The following SPSB1 variants were observed in gnomAD, a reference collection of about 807,000 sequenced individuals.
The protein encoded by SPSB1 is splA/ryanodine receptor domain and SOCS box containing 1.
Under a neutral mutation model 21.2 loss-of-function variants are expected in SPSB1, and 8 were observed. That is an observed-to-expected ratio of 0.38 (90% CI 0.22 to 0.68). The LOEUF is 0.68. Among genes scored for constraint, SPSB1 ranks in the 30% least tolerant of loss-of-function variants. The probability of loss-of-function intolerance (pLI) is 0.53; values close to 1 mark genes in which losing one functional copy is unlikely to be tolerated. For synonymous variants in SPSB1, 169 were observed against 161.7 expected (o/e 1.05, Z -0.34); for missense variants, 242 against 377.8 (o/e 0.64, Z 2.98).
intron 1 of SPSB1, among the ~76,000 whole-genome samples, chr1:9,316,581 C>T (rs537925064): frequency 1.3e-5 from 2 of 152,184 alleles, no homozygotes; most frequent in East Asian, 1.9e-4. Context: ...GAAGCGGGTT[C>T]AGGGGCTGCC....
chr1:9,346,115 A>C lies in SPSB1; in HGVS notation c.-149-9628A>C, dbSNP rs1021637444. ...CGGCTGAGCCAGGCTGCAGAGATTG[A>C]TTCTGATAAAATAGCAGATTGCTCG... is the stretch of plus-strand genomic sequence containing the variant. On this transcript the variant is annotated intron_variant, in intron 1 of 2. Coordinates refer to ENST00000328089, the MANE Select transcript of SPSB1 (RefSeq NM_025106.4). This position sits in a 1 kb window ranked among gnomAD's most constrained non-coding sequence, Gnocchi z 4.4. 6.6e-6 allele frequency among the ~76,000 whole-genome samples: 1 copy of C among 152,232 alleles called. No homozygotes were observed. Among genetic ancestry groups the C allele is most frequent in the African/African-American group, 2.4e-5 (1 of 41,472 alleles).
chr1:9,339,757 CA>C (rs1569626071), intron 1 of SPSB1, among the ~76,000 whole-genome samples: 1 of 152,152 alleles, frequency 6.6e-6, no homozygotes, highest in Admixed American at 6.5e-5. Context: ...ATGGCTTCTA[CA>C]GGGTCTGGGC....
intron 2 of SPSB1, among the ~76,000 whole-genome samples, chr1:9,361,494 G>T (rs532682019): frequency 2.6e-5 from 4 of 152,294 alleles, no homozygotes; most frequent in South Asian, 4.1e-4. Flanking sequence ...CTTCCCGGGG[G>T]TCTCCCAGCC....
chr1:9,339,090 C>G (rs1640049651), intron 1 of SPSB1, among the ~76,000 whole-genome samples: 1 of 152,120 alleles, frequency 6.6e-6, no homozygotes, highest in South Asian at 2.1e-4. Flanking sequence ...TTGCTCCGGC[C>G]AGGGCTGATC....
At chr1:9,311,329 C>T (rs76583735) in intron 1 of SPSB1, among the ~76,000 whole-genome samples, 1,695 of 152,132 alleles carry the variant, frequency 0.011, 31 homozygotes, top group African/African-American at 0.038. Flanking sequence ...TTTCTTTCTT[C>T]CCCCTGATGG....
In SPSB1 at chr1:9,348,568, T is replaced by G. The variant is rs1040415183; in HGVS notation, c.-149-7175T>G. On this transcript the variant is annotated intron_variant, in intron 1 of 2. Coordinates refer to ENST00000328089, the MANE Select transcript of SPSB1 (RefSeq NM_025106.4). The surrounding 1 kb of genome is among the most constrained non-coding windows in gnomAD (Gnocchi z 4.8). ...CTGGGATCAGCATTCATTTCCAGGCTTCCTTCCCTCTGTATCTGCAGACCT... is the reference window on the plus strand; with the variant it reads ...CTGGGATCAGCATTCATTTCCAGGCGTCCTTCCCTCTGTATCTGCAGACCT... Among the ~76,000 whole-genome samples, 13 of 152,016 alleles carry G rather than the reference T, an allele frequency of 8.6e-5. No individual in the cohort carries two copies. Among genetic ancestry groups the G allele is most frequent in the African/African-American group, 3.1e-4 (13 of 41,386 alleles).
rs139808151 is a variant in SPSB1 at position 9,367,621 on chromosome 1, CACTG to C, written c.*48_*51del. The C allele has an allele frequency of 1.2e-3, 1,813 of 1,538,646 alleles. 19 individuals carry two copies. The African/African-American group carries it at 0.022, about 19-fold the overall frequency. ...GCGCGACAGCCACCTGGTGCCAACT[CACTG>C]AGCCGCCTGCCGCTGGGGCCGCCGC... On this transcript the variant is annotated 3_prime_UTR_variant, in exon 3 of 3. Coordinates refer to ENST00000328089, the MANE Select transcript of SPSB1 (RefSeq NM_025106.4). This position sits in a 1 kb window ranked among gnomAD's most constrained non-coding sequence, Gnocchi z 5.9.
chr1:9,353,867 G>A (rs953423358), intron 1 of SPSB1, among the ~76,000 whole-genome samples: 3 of 151,060 alleles, frequency 2.0e-5, no homozygotes, highest in East Asian at 2.0e-4. Context: ...GCAGTGAGAC[G>A]AGATAGCGCC....
intron 1 of SPSB1, among the ~76,000 whole-genome samples, chr1:9,344,924 C>G (rs1368979087): frequency 6.6e-6 from 1 of 152,176 alleles, no homozygotes; most frequent in Non-Finnish European, 1.5e-5. Context: ...GCTGGCACAT[C>G]CCATGGAGAG....
chr1:9,365,781 G>A (rs1267235466), intron 2 of SPSB1, among the ~76,000 whole-genome samples: 1 of 152,078 alleles, frequency 6.6e-6, no homozygotes, highest in Non-Finnish European at 1.5e-5. Flanking sequence ...TTTTAGTTTT[G>A]GGGGCTATTT....
At chr1:9,304,881 C>T (rs1308547126) in intron 1 of SPSB1, among the ~76,000 whole-genome samples, 1 of 152,120 alleles carries the variant, frequency 6.6e-6, no homozygotes, top group African/African-American at 2.4e-5. Context: ...CTATGTTGCC[C>T]AGGCTGGTCT....
intron 2 of SPSB1, among the ~76,000 whole-genome samples, chr1:9,361,156 C>CCTTTTTTTTTTTTTTTTTTTTTCTT (rs1553128958): frequency 9.7e-6 from 1 of 102,578 alleles, no homozygotes; most frequent in Non-Finnish European, 1.9e-5. Flanking sequence ...CTGTCATTTT[C>CCTTTTTTTTTTTTTTTTTTTTTCTT]TTTTTTTTTT....
Position 9,367,630 on chromosome 1 carries a change from G to T in SPSB1, c.*55G>T, listed in dbSNP as rs377243114. The T allele has an allele frequency of 4.6e-6, 7 of 1,523,734 alleles. No individual in the cohort carries two copies. In the Admixed American group the frequency reaches 8.0e-5, roughly 17 times the overall value. 94.4% of individuals were successfully genotyped at this position (1,523,734 alleles called of 1,614,324 possible). Reference sequence around the variant, plus strand: ...CCACCTGGTGCCAACTCACTGAGCCGCCTGCCGCTGGGGCCGCCGCACCCT... The same window carrying T: ...CCACCTGGTGCCAACTCACTGAGCCTCCTGCCGCTGGGGCCGCCGCACCCT... On this transcript the variant is annotated 3_prime_UTR_variant, in exon 3 of 3. Coordinates refer to ENST00000328089, the MANE Select transcript of SPSB1 (RefSeq NM_025106.4). This position sits in a 1 kb window ranked among gnomAD's most constrained non-coding sequence, Gnocchi z 5.9.
At chr1:9,335,244 G>A (rs1427468440) in intron 1 of SPSB1, among the ~76,000 whole-genome samples, 1 of 152,216 alleles carries the variant, frequency 6.6e-6, no homozygotes, top group Non-Finnish European at 1.5e-5. Flanking sequence ...GCTCACGCCT[G>A]TAATTCTTGC....
At chr1:9,359,510 T>G (rs1640430761) in intron 2 of SPSB1, among the ~76,000 whole-genome samples, 1 of 152,040 alleles carries the variant, frequency 6.6e-6, no homozygotes. Flanking sequence ...GAGACCAGCC[T>G]GGCCAACATG....
intron 2 of SPSB1, among the ~76,000 whole-genome samples, chr1:9,359,851 G>C (rs1483631289): frequency 6.6e-6 from 1 of 151,290 alleles, no homozygotes; most frequent in Non-Finnish European, 1.5e-5. Flanking sequence ...GGAAGCCGGG[G>C]GGGTGGGTGG....
chr1:9,296,166 T>C (rs1639221385), intron 1 of SPSB1, among the ~76,000 whole-genome samples: 2 of 152,140 alleles, frequency 1.3e-5, no homozygotes, highest in Non-Finnish European at 1.5e-5. Flanking sequence ...TAGCGGGAAA[T>C]GGTTTCATGG....
chr1:9,314,125 G>A (rs548597368), intron 1 of SPSB1, among the ~76,000 whole-genome samples: 27 of 150,420 alleles, frequency 1.8e-4, no homozygotes, highest in African/African-American at 5.8e-4. Flanking sequence ...GCAGTGAGCT[G>A]AGATCGCACT....
chr1:9,343,418 A>G (rs1288029953), intron 1 of SPSB1, among the ~76,000 whole-genome samples: 1 of 152,222 alleles, frequency 6.6e-6, no homozygotes, highest in Non-Finnish European at 1.5e-5. Flanking sequence ...GTTCATTCAC[A>G]TTGTATCATG....
Sources: gnomAD v4.1 joint callset for allele counts (sites outside exome capture counted in the v4.1 genomes callset) on GRCh38, gnomAD v4.1.1 for gene constraint, Gnocchi (gnomAD v3.1) non-coding constraint, MANE v1.5 for transcripts, NCBI Gene and HGNC (gene_info 2026-07-23, HGNC 2026-07-21) for gene names.